APC: variants seen among roughly 807,000 people sequenced by gnomAD.
The protein encoded by APC is APC regulator of Wnt signaling pathway.
A neutral mutation model predicts 247.0 loss-of-function variants in APC; 72 were observed. That is an observed-to-expected ratio of 0.29 (90% CI 0.24 to 0.35). APC has a LOEUF of 0.35. APC is among the 10% of genes least tolerant of loss of function. APC has a pLI of 1.00. For missense variants in APC, 3,400 were observed against 3,360.7 expected, an observed-to-expected ratio of 1.01 and a Z score of -0.29; for synonymous variants, 1,254 against 1,162.5, an observed-to-expected ratio of 1.08 and a Z score of -1.60.
At chr5:112,835,249 T>C in intron 15 of APC, 84 bp downstream of exon 15, 3 of 1,266,234 alleles carry the variant, frequency 2.4e-6, no homozygotes, top group East Asian at 5.1e-5. Flanking sequence ...TTTTATATAA[T>C]CATGAAAGTT....
intron 11 of APC, among the ~76,000 whole-genome samples, chr5:112,824,284 C>T (rs937555374): frequency 6.6e-6 from 1 of 152,170 alleles, no homozygotes; most frequent in Admixed American, 6.5e-5. Context: ...TTAGAGCAAC[C>T]AGTTTTTAAT....
rs755105138 is a variant in APC at position 112,837,554 on chromosome 5, C to G, written c.1960C>G (p.Gln654Glu). 1 of 1,611,084 alleles carries G rather than the reference C, an allele frequency of 6.2e-7. No individual in the cohort carries two copies. The highest frequency in any genetic ancestry group is 1.1e-5 in the South Asian group (1 of 90,920). The change falls in exon 16 of 16, where the codon CAA becomes GAA. Residue 654 changes from glutamine (Q) to glutamate (E), a missense_variant and splice_region_variant. Around this residue, in one of 9 missense-constraint regions of APC, gnomAD observed 184 missense variants for 248.0 expected, o/e 0.74. Coordinates refer to ENST00000257430, the MANE Select transcript of APC (RefSeq NM_000038.6). ...SLIATNEDHRQILRENNCLQT... is the reference protein window; with the variant it reads ...SLIATNEDHREILRENNCLQT... ...TGTGATCTCTTGATTTTATTTCAGGCAAATCCTAAGAGAGAACAACTGTCT... is the reference window on the plus strand; with the variant it reads ...TGTGATCTCTTGATTTTATTTCAGGGAAATCCTAAGAGAGAACAACTGTCT...
chr5:112,722,509 A>G (rs535573705), intron 1 of APC, among the ~76,000 whole-genome samples: 2 of 152,236 alleles, frequency 1.3e-5, no homozygotes, highest in Admixed American at 6.5e-5. Flanking sequence ...TCTATCCAGA[A>G]ATACCATCAG....
intron 5 of APC, among the ~76,000 whole-genome samples, chr5:112,776,611 G>T (rs1757676781): frequency 6.6e-6 from 1 of 152,202 alleles, no homozygotes; most frequent in Non-Finnish European, 1.5e-5. Context: ...GCTGAGAAAG[G>T]TGGATCACTT....
intron 5 of APC, among the ~76,000 whole-genome samples, chr5:112,775,987 A>G (rs896764800): frequency 1.3e-5 from 2 of 152,206 alleles, no homozygotes; most frequent in South Asian, 2.1e-4. Context: ...TTTGAATTCT[A>G]GAGGACCTCA....
chr5:112,814,767 G>C (rs78422948), intron 8 of APC, among the ~76,000 whole-genome samples: 1 of 152,144 alleles, frequency 6.6e-6, no homozygotes, highest in Non-Finnish European at 1.5e-5. Flanking sequence ...GATACTTAAT[G>C]ATTTAACCCA....
intron 7 of APC, among the ~76,000 whole-genome samples, chr5:112,792,783 C>G (rs1197199639): frequency 1.3e-5 from 2 of 152,044 alleles, no homozygotes; most frequent in South Asian, 4.2e-4. Flanking sequence ...TACATATAAT[C>G]AAATAGTTAA....
rs1057523328 is a variant in APC at position 112,840,319 on chromosome 5, A to G, written c.4725A>G (p.Leu1575=). 1 of 1,614,084 alleles carries G rather than the reference A, an allele frequency of 6.2e-7. No homozygotes were observed. Among genetic ancestry groups the G allele is most frequent in the South Asian group, 1.1e-5 (1 of 91,088 alleles). ...CAGATGATGATGATATTGAAATACT[A>G]GAAGAATGTATTATTTCTGCCATGC... is the stretch of plus-strand genomic sequence containing the variant. The part of the protein sequence containing the change: ...DDSDDDDIEI[L]EECIISAMPT... The change falls in exon 16 of 16, where the codon CTA becomes CTG. Residue 1575 remains leucine (L), a synonymous_variant. Coordinates refer to ENST00000257430, the MANE Select transcript of APC (RefSeq NM_000038.6). The surrounding 1 kb of genome is among the most constrained non-coding windows in gnomAD (Gnocchi z 4.1).
intron 2 of APC, among the ~76,000 whole-genome samples, chr5:112,760,070 A>C (rs1460192042): frequency 2.6e-5 from 4 of 152,182 alleles, no homozygotes; most frequent in African/African-American, 9.6e-5. Context: ...AACCCTTTCT[A>C]GATAAGCTGA....
intron 9 of APC, among the ~76,000 whole-genome samples, chr5:112,817,614 G>T: frequency 6.6e-6 from 1 of 152,190 alleles, no homozygotes; most frequent in East Asian, 1.9e-4. Context: ...ATATTCAAGA[G>T]TAATATTGTG....
chr5:112,783,482 C>T (rs947647867), intron 6 of APC, among the ~76,000 whole-genome samples: 4 of 151,796 alleles, frequency 2.6e-5, no homozygotes, highest in Non-Finnish European at 5.9e-5. Context: ...ACAAGGATCA[C>T]CTACAAATCA....
intron 1 of APC, among the ~76,000 whole-genome samples, chr5:112,716,715 A>G (rs541769048): frequency 2.6e-5 from 4 of 152,228 alleles, no homozygotes; most frequent in African/African-American, 4.8e-5. Context: ...ATTTGAGGCT[A>G]TGCTATTAGA....
At chr5:112,768,575 GTTTCT>G (rs1249076073) in intron 4 of APC, among the ~76,000 whole-genome samples, 1 of 143,878 alleles carries the variant, frequency 7.0e-6, no homozygotes, top group Non-Finnish European at 1.5e-5. Flanking sequence ...ACATAGTGAT[GTTTCT>G]ACACATATAA....
chr5:112,764,676 A>G (rs1318442035), intron 2 of APC, among the ~76,000 whole-genome samples: 9 of 152,230 alleles, frequency 5.9e-5, no homozygotes, highest in Non-Finnish European at 1.2e-4. Context: ...GAGACATGTC[A>G]TTGGAAATTA....
At chr5:112,738,293 C>T (rs1423544326) in intron 1 of APC, 1 of 985,346 alleles carries the variant, frequency 1.0e-6, no homozygotes, top group Non-Finnish European at 1.2e-6. Flanking sequence ...GGAGCATATT[C>T]ATGGCGAGGA....
At chr5:112,807,846 A>G (rs1761570542) in intron 8 of APC, among the ~76,000 whole-genome samples, 1 of 152,198 alleles carries the variant, frequency 6.6e-6, no homozygotes, top group Non-Finnish European at 1.5e-5. Context: ...TACAAAAGAT[A>G]AAAGTACTTA....
intron 7 of APC, among the ~76,000 whole-genome samples, chr5:112,800,073 A>G (rs1760648861): frequency 6.6e-6 from 1 of 152,218 alleles, no homozygotes; most frequent in African/African-American, 2.4e-5. Context: ...ATTATTTGAC[A>G]GTGTCCCTGA....
intron 5 of APC, among the ~76,000 whole-genome samples, chr5:112,778,778 C>A (rs1203578191): frequency 6.6e-6 from 1 of 152,102 alleles, no homozygotes; most frequent in Non-Finnish European, 1.5e-5. Flanking sequence ...ATCCTGACCT[C>A]GTGATCCACC....
chr5:112,715,238 A>G (rs1028796353), intron 1 of APC, among the ~76,000 whole-genome samples: 1 of 152,236 alleles, frequency 6.6e-6, no homozygotes, highest in African/African-American at 2.4e-5. Flanking sequence ...GTAGGCAGAT[A>G]GTGTGGCAAC....
Sources: gnomAD v4.1 joint callset for allele counts (sites outside exome capture counted in the v4.1 genomes callset) on GRCh38, gnomAD v4.1.1 for gene constraint, gnomAD v4.1.1 regional missense constraint, Gnocchi (gnomAD v3.1) non-coding constraint, MANE v1.5 for transcripts, NCBI Gene and HGNC (gene_info 2026-07-23, HGNC 2026-07-21) for gene names.